The following COL25A1 variants were observed in gnomAD, a reference collection of about 807,000 sequenced individuals.
COL25A1 encodes the protein collagen type XXV alpha 1 chain.
COL25A1 carries 103 observed loss-of-function variants against 128.4 expected under a neutral mutation model. That is an observed-to-expected ratio of 0.80 (90% confidence interval 0.68 to 0.94). The LOEUF (loss-of-function observed/expected upper bound fraction) is 0.94, where lower values mean the gene tolerates loss of function less well. Ranked by LOEUF, COL25A1 falls within the 40% of genes least tolerant of loss-of-function variation. COL25A1 has a pLI of 0.00. For missense variants in COL25A1, 745 were observed against 840.0 expected (o/e 0.89, Z 1.40); for synonymous variants, 279 against 277.2 (o/e 1.01, Z -0.06).
chr4:108,834,499 C>G, intron 31 of COL25A1: 2 of 952,588 alleles, frequency 2.1e-6, no homozygotes, highest in Non-Finnish European at 1.6e-6. Flanking sequence ...CAACATAATA[C>G]GCAGTTACAG....
chr4:109,297,211 C>T (rs11946512), intron 3 of COL25A1, among the ~76,000 whole-genome samples: 18,251 of 151,922 alleles, frequency 0.12, 3,082 homozygotes, highest in African/African-American at 0.38. Flanking sequence ...GCAAGTTTCC[C>T]AGGGTGACAA....
At chr4:109,126,864 A>G (rs971915198) in intron 3 of COL25A1, among the ~76,000 whole-genome samples, 3 of 152,082 alleles carry the variant, frequency 2.0e-5, no homozygotes, top group Non-Finnish European at 4.4e-5. Context: ...ATATGTAACT[A>G]ACCGGCACAT....
chr4:108,844,252 T>C (rs991350596), intron 30 of COL25A1, among the ~76,000 whole-genome samples: 5 of 152,274 alleles, frequency 3.3e-5, no homozygotes, highest in African/African-American at 4.8e-5. Context: ...GTGTTCACAC[T>C]GTAAAGTTGT....
intron 3 of COL25A1, among the ~76,000 whole-genome samples, chr4:109,150,275 T>C (rs747885867): frequency 1.3e-5 from 2 of 152,154 alleles, no homozygotes; most frequent in Non-Finnish European, 2.9e-5. Flanking sequence ...AGCCCCAGTG[T>C]GATTCTTAAA....
At chr4:109,120,967 G>A (rs372666739) in intron 3 of COL25A1, among the ~76,000 whole-genome samples, 4 of 152,122 alleles carry the variant, frequency 2.6e-5, no homozygotes, top group African/African-American at 9.6e-5. Flanking sequence ...CAAATAAATG[G>A]AGAGACATTC....
intron 19 of COL25A1, among the ~76,000 whole-genome samples, chr4:108,873,522 C>CTAGTAGTAGTAGTAGTAGTAG (rs58240378): frequency 8.1e-5 from 12 of 147,262 alleles, no homozygotes; most frequent in Middle Eastern, 3.5e-3. Context: ...TGTTAGCTGT[C>CTAGTAGTAGTAGTAGTAGTAG]TAGTAGTAGT....
chr4:109,002,891 G>A (rs531236596), intron 6 of COL25A1, among the ~76,000 whole-genome samples: 3 of 152,096 alleles, frequency 2.0e-5, no homozygotes, highest in Admixed American at 6.5e-5. Context: ...TTTAAGCCCC[G>A]CATGCATTAG....
chr4:109,287,034 C>G (rs562345716), intron 3 of COL25A1, among the ~76,000 whole-genome samples: 2 of 152,238 alleles, frequency 1.3e-5, no homozygotes, highest in South Asian at 4.1e-4. Flanking sequence ...AGCATTTCTG[C>G]AAAGTATCAT....
Position 108,937,850 on chromosome 4 carries a change from A to G in COL25A1, c.673-7T>C, listed in dbSNP as rs1454121498. The stretch of plus-strand genomic sequence containing the variant: ...CTGGCTTTCCTGGTTCACCCTTAAA[A>G]AAGAATAGTGATAATTTTAGTAACG... On this transcript the variant is annotated splice_region_variant and splice_polypyrimidine_tract_variant and intron_variant, in intron 10 of 37. Transcript: ENST00000399132. The G allele has an allele frequency of 1.2e-6, 2 of 1,602,428 alleles. No homozygotes were observed. Among genetic ancestry groups the G allele is most frequent in the Non-Finnish European group, 8.5e-7 (1 of 1,175,270 alleles).
intron 18 of COL25A1, among the ~76,000 whole-genome samples, chr4:108,888,498 A>G (rs1741084266): frequency 6.6e-6 from 1 of 152,218 alleles, no homozygotes; most frequent in South Asian, 2.1e-4. Flanking sequence ...TGATATCCAA[A>G]TGCTCAGACG....
intron 8 of COL25A1, among the ~76,000 whole-genome samples, chr4:108,942,816 T>C (rs1035568467): frequency 1.5e-5 from 2 of 130,054 alleles, no homozygotes; most frequent in Non-Finnish European, 3.0e-5. Flanking sequence ...AGTGCAGTGG[T>C]TACAATCTCA....
At chr4:109,147,403 C>T (rs566572416) in intron 3 of COL25A1, among the ~76,000 whole-genome samples, 1 of 152,244 alleles carries the variant, frequency 6.6e-6, no homozygotes, top group Admixed American at 6.5e-5. Flanking sequence ...TCCTCTGAAC[C>T]CTAGGACAGA....
At chr4:109,216,011 G>C (rs1777950478) in intron 3 of COL25A1, among the ~76,000 whole-genome samples, 1 of 152,108 alleles carries the variant, frequency 6.6e-6, no homozygotes, top group African/African-American at 2.4e-5. Context: ...AGTCTGAAAT[G>C]TACCTCTCAC....
At chr4:109,085,809 G>T (rs563418215) in intron 3 of COL25A1, among the ~76,000 whole-genome samples, 1 of 152,208 alleles carries the variant, frequency 6.6e-6, no homozygotes, top group African/African-American at 2.4e-5. Context: ...CAAGAATACT[G>T]CCTAGCCCAT....
rs1023491488 is a variant in COL25A1, at chr4:108,949,865, T to C, written c.493-8428A>G. Among the ~76,000 whole-genome samples the C allele has an allele frequency of 2.0e-5, 3 of 152,184 alleles. No homozygotes were observed. In the East Asian group the frequency reaches 5.8e-4, roughly 29 times the overall value. On this transcript the variant is annotated intron_variant, in intron 8 of 37. Coordinates refer to ENST00000399132, the MANE Select transcript of COL25A1 (RefSeq NM_198721.4). ...TCTTCCATAAATTTTTCATAGTCTA[T>C]GAATTTCATTTCCACTTATTCATTT...
intron 3 of COL25A1, among the ~76,000 whole-genome samples, chr4:109,071,739 C>G (rs950745285): frequency 2.0e-5 from 3 of 152,088 alleles, no homozygotes; most frequent in Non-Finnish European, 2.9e-5. Context: ...AAATCAAAAC[C>G]ACAATGAGAT....
chr4:109,278,109 T>C (rs1031251190), intron 3 of COL25A1, among the ~76,000 whole-genome samples: 2 of 151,658 alleles, frequency 1.3e-5, no homozygotes, highest in Admixed American at 6.6e-5. Flanking sequence ...CACTCCAGCC[T>C]GGGCAACAGA....
chr4:109,121,571 G>C (rs989073048), intron 3 of COL25A1, among the ~76,000 whole-genome samples: 1 of 152,048 alleles, frequency 6.6e-6, no homozygotes, highest in African/African-American at 2.4e-5. Context: ...ACAACAATAA[G>C]ATATTACTAT....
intron 8 of COL25A1, chr4:108,942,369 T>G (rs566707045): frequency 1.9e-6 from 2 of 1,057,340 alleles, no homozygotes; most frequent in Non-Finnish European, 2.8e-6. Context: ...CACCTCCCTT[T>G]CCTGGGACTT....
Sources: gnomAD v4.1 joint callset for allele counts (sites outside exome capture counted in the v4.1 genomes callset) on GRCh38, gnomAD v4.1.1 for gene constraint, MANE v1.5 for transcripts, NCBI Gene and HGNC (gene_info 2026-07-23, HGNC 2026-07-21) for gene names.